The following MSRA variants were observed in gnomAD, a reference collection of about 807,000 sequenced individuals.
MSRA encodes the protein mitochondrial peptide methionine sulfoxide reductase.
MSRA carries 54 observed loss-of-function variants against 31.3 expected under a neutral mutation model. The observed-to-expected ratio is 1.73, with a 90% confidence interval of 1.39 to 2.17. The LOEUF (loss-of-function observed/expected upper bound fraction) is 2.17, where lower values mean the gene tolerates loss of function less well. MSRA is among the 30% of genes most tolerant of loss of function. The probability of loss-of-function intolerance (pLI) is 0.00; values close to 1 mark genes in which losing one functional copy is unlikely to be tolerated. For missense variants in MSRA, 507 were observed against 300.9 expected, an observed-to-expected ratio of 1.69 and a Z score of -5.07; for synonymous variants, 169 against 116.5, an observed-to-expected ratio of 1.45 and a Z score of -2.90.
chr8:10,070,947 G>C (rs957582872), intron 1 of MSRA, among the ~76,000 whole-genome samples: 28 of 152,190 alleles, frequency 1.8e-4, no homozygotes, highest in African/African-American at 6.8e-4. Context: ...TACGAGTGAA[G>C]CTGCTATGAA....
chr8:10,179,186 T>C (rs1331705866), intron 1 of MSRA, among the ~76,000 whole-genome samples: 1 of 152,188 alleles, frequency 6.6e-6, no homozygotes, highest in Non-Finnish European at 1.5e-5. Flanking sequence ...TTTGCCTCTA[T>C]AGTAATGTGA....
intron 1 of MSRA, among the ~76,000 whole-genome samples, chr8:10,168,188 T>C (rs543244531): frequency 3.4e-4 from 52 of 152,336 alleles, no homozygotes; most frequent in African/African-American, 1.2e-3. Flanking sequence ...ATATCAAGTG[T>C]GTTAATACAT....
intron 1 of MSRA, among the ~76,000 whole-genome samples, chr8:10,180,484 G>A (rs1470510458): frequency 1.3e-5 from 2 of 152,156 alleles, no homozygotes; most frequent in African/African-American, 4.8e-5. Context: ...CTCAGAGGTT[G>A]GAGAGTGGGG....
intron 5 of MSRA, among the ~76,000 whole-genome samples, chr8:10,380,766 C>CTGGA (rs928238719): frequency 8.6e-5 from 13 of 151,630 alleles, no homozygotes; most frequent in East Asian, 3.9e-4. Context: ...ACATGGATGG[C>CTGGA]TGGATGGATG....
intron 2 of MSRA, among the ~76,000 whole-genome samples, chr8:10,208,945 G>C (rs552182433): frequency 6.6e-6 from 1 of 152,348 alleles, no homozygotes; most frequent in East Asian, 1.9e-4. Flanking sequence ...ACTGAAGTTA[G>C]ATTGTTCCCT....
chr8:10,184,049 G>A (rs1210329814), intron 1 of MSRA, among the ~76,000 whole-genome samples: 2 of 148,754 alleles, frequency 1.3e-5, no homozygotes, highest in Non-Finnish European at 3.0e-5. Flanking sequence ...TGTTCGTGAT[G>A]TTGTTGGTGT....
At chr8:10,328,504 T>G (rs992810663) in intron 5 of MSRA, among the ~76,000 whole-genome samples, 1 of 152,086 alleles carries the variant, frequency 6.6e-6, no homozygotes, top group African/African-American at 2.4e-5. Context: ...TCTCCATGAT[T>G]ATGACCACCC....
rs141044654 is a variant in MSRA, at chr8:10,086,916, GGAGAAT to G, written c.142+32278_142+32283del. Reference sequence around the variant, plus strand: ...AGAGGGAGAGGGAGAGGGAGAGAGAGGAGAATGAGAATGAGAATGAGAATGGATATA... The same window carrying G: ...AGAGGGAGAGGGAGAGGGAGAGAGAGGAGAATGAGAATGAGAATGGATATA... On this transcript the variant is annotated intron_variant, in intron 1 of 5. Coordinates refer to ENST00000317173, the MANE Select transcript of MSRA (RefSeq NM_012331.5). 3.9e-3 allele frequency among the ~76,000 whole-genome samples: 589 copies of G among 151,524 alleles called. 1 individual carries two copies. Among genetic ancestry groups the G allele is most frequent in the Middle Eastern group, 6.9e-3 (2 of 288 alleles).
chr8:10,183,555 G>T (rs1050102524), intron 1 of MSRA, among the ~76,000 whole-genome samples: 3 of 152,122 alleles, frequency 2.0e-5, no homozygotes, highest in African/African-American at 2.4e-5. Flanking sequence ...AGGCAAAAAT[G>T]GTTCAAAATA....
rs528078766 is a variant in MSRA, at chr8:10,096,055, GATTTT to G, written c.142+41413_142+41417del. The G allele has an allele frequency of 7.9e-4, 1,105 of 1,403,182 alleles. 12 individuals are homozygous for G. In the African/African-American group the frequency reaches 0.014, roughly 18 times the overall value. The allele number at this position is 1,403,182 out of a possible 1,614,324, so 86.9% of individuals were successfully genotyped here. ...AATGTGTTCAGAACGTAAGTTTTTAGATTTTATTTTATTTTATTTTTAGACATTTA... is the reference window on the plus strand; with the variant it reads ...AATGTGTTCAGAACGTAAGTTTTTAGATTTTATTTTATTTTTAGACATTTA... On this transcript the variant is annotated intron_variant, in intron 1 of 5. Transcript: ENST00000317173.
At chr8:10,075,277 C>T (rs1185221474) in intron 1 of MSRA, among the ~76,000 whole-genome samples, 1 of 152,094 alleles carries the variant, frequency 6.6e-6, no homozygotes, top group African/African-American at 2.4e-5. Flanking sequence ...AGCTTATATT[C>T]TGTAGTATCG....
At chr8:10,302,212 T>C (rs1800886100) in intron 4 of MSRA, among the ~76,000 whole-genome samples, 1 of 152,238 alleles carries the variant, frequency 6.6e-6, no homozygotes, top group Non-Finnish European at 1.5e-5. Flanking sequence ...CTATAAACAA[T>C]GGTGGTTGGA....
At chr8:10,227,659 C>G (rs1012247774) in intron 2 of MSRA, among the ~76,000 whole-genome samples, 2 of 152,006 alleles carry the variant, frequency 1.3e-5, no homozygotes, top group South Asian at 2.1e-4. Context: ...GGAGTGTACA[C>G]GTGCATATGA....
intron 1 of MSRA, among the ~76,000 whole-genome samples, chr8:10,173,268 A>G (rs1204618708): frequency 6.6e-6 from 1 of 152,268 alleles, no homozygotes; most frequent in African/African-American, 2.4e-5. Context: ...GTCTGCCTGC[A>G]GCCTTTGTTC....
At chr8:10,217,995 G>T (rs1219528952) in intron 2 of MSRA, among the ~76,000 whole-genome samples, 1 of 151,648 alleles carries the variant, frequency 6.6e-6, no homozygotes, top group African/African-American at 2.4e-5. Flanking sequence ...AGTCTTGACC[G>T]AACGATCATG....
At chr8:10,360,582 G>A (rs963610699) in intron 5 of MSRA, among the ~76,000 whole-genome samples, 9 of 152,228 alleles carry the variant, frequency 5.9e-5, no homozygotes, top group Admixed American at 2.0e-4. Flanking sequence ...AACGTCTGAC[G>A]GCACTTCACA....
intron 1 of MSRA, among the ~76,000 whole-genome samples, chr8:10,188,818 C>G (rs572007584): frequency 3.3e-5 from 5 of 152,182 alleles, no homozygotes; most frequent in Non-Finnish European, 7.3e-5. Context: ...TGGAAGTATT[C>G]CAACTGATAG....
intron 3 of MSRA, among the ~76,000 whole-genome samples, chr8:10,266,256 G>C (rs1269374886): frequency 1.3e-5 from 2 of 152,210 alleles, no homozygotes; most frequent in Non-Finnish European, 2.9e-5. Flanking sequence ...ATTAGCAGTT[G>C]GTATGGCCAG....
At chr8:10,122,448 G>T (rs1409217073) in intron 1 of MSRA, among the ~76,000 whole-genome samples, 1 of 152,110 alleles carries the variant, frequency 6.6e-6, no homozygotes, top group Non-Finnish European at 1.5e-5. Flanking sequence ...TGATGTAAAT[G>T]ATGAATTGTG....
Sources: allele counts gnomAD v4.1 joint callset (sites outside exome capture counted in the v4.1 genomes callset), GRCh38; gene constraint gnomAD v4.1.1; transcripts MANE v1.5; gene names NCBI Gene and HGNC (gene_info 2026-07-23, HGNC 2026-07-21).